ASXL3: variants seen among roughly 807,000 people sequenced by gnomAD.
ASXL3 encodes the protein putative Polycomb group protein ASXL3.
ASXL3 carries 34 observed loss-of-function variants against 170.6 expected under a neutral mutation model. The ratio of observed to expected loss-of-function variants is 0.20; its 90% confidence interval spans 0.15 to 0.27. ASXL3 has a LOEUF of 0.27. Ranked by LOEUF, ASXL3 falls within the 10% of genes least tolerant of loss-of-function variation. The pLI is 1.00. For synonymous variants in ASXL3, 1,002 were observed against 989.1 expected (o/e 1.01, Z -0.24); for missense variants, 2,592 against 2,695.3 (o/e 0.96, Z 0.85).
In ASXL3 at chr18:33,584,271, A is replaced by G. The variant is rs377658857; in HGVS notation, c.54+5586A>G. 1.6e-4 allele frequency among the ~76,000 whole-genome samples: 24 copies of G among 152,258 alleles called. No homozygotes were observed. The East Asian group carries it at 4.6e-3, about 29-fold the overall frequency. ...GAAATACCAGAAGACTTGGGGGGGC[A>G]TAGGCACTGGGACAGAATTGAAAAT... On this transcript the variant is annotated intron_variant, in intron 1 of 11. Transcript: ENST00000269197.
At chr18:33,621,518 T>G (rs928659621) in intron 2 of ASXL3, among the ~76,000 whole-genome samples, 3 of 152,144 alleles carry the variant, frequency 2.0e-5, no homozygotes, top group African/African-American at 4.8e-5. Flanking sequence ...CAAGAGAGAT[T>G]GTACTATAAT....
intron 1 of ASXL3, among the ~76,000 whole-genome samples, chr18:33,594,536 A>G (rs1377681657): frequency 6.6e-6 from 1 of 152,158 alleles, no homozygotes; most frequent in Non-Finnish European, 1.5e-5. Context: ...TCCAACCCCT[A>G]TTTCATAGCA....
intron 1 of ASXL3, among the ~76,000 whole-genome samples, chr18:33,606,251 T>A (rs2145121332): frequency 6.6e-6 from 1 of 152,136 alleles, no homozygotes; most frequent in Admixed American, 6.6e-5. Context: ...GCAAGGACCA[T>A]TTTCCTTCCT....
chr18:33,646,222 C>A (rs746071000), intron 3 of ASXL3, 23 bp from the exon 4 acceptor site: 3 of 1,585,732 alleles, frequency 1.9e-6, no homozygotes, highest in South Asian at 1.1e-5. Flanking sequence ...CTCCATAAAT[C>A]ATCACTTTTC....
At chr18:33,658,378 C>T (rs2066115954) in intron 4 of ASXL3, among the ~76,000 whole-genome samples, 1 of 152,060 alleles carries the variant, frequency 6.6e-6, no homozygotes, top group Admixed American at 6.6e-5. Context: ...CCTGCACAGC[C>T]AACTGTACTC....
intron 4 of ASXL3, among the ~76,000 whole-genome samples, chr18:33,661,373 A>G (rs994760211): frequency 1.3e-5 from 2 of 152,174 alleles, no homozygotes; most frequent in Non-Finnish European, 2.9e-5. Context: ...GCTCAATGAC[A>G]TAGAAATTAT....
Position 33,641,393 on chromosome 18 carries a change from C to T in ASXL3, c.138-3501C>T, listed in dbSNP as rs556891746. Among the ~76,000 whole-genome samples, 85 of 151,628 alleles carry T rather than the reference C, an allele frequency of 5.6e-4. 1 individual carries two copies. The highest frequency in any genetic ancestry group is 1.0e-3 in the South Asian group (5 of 4,798). The stretch of plus-strand genomic sequence containing the variant: ...CAGAAGGGTCCACAGCCTTACAGTA[C>T]AGGGGGAAAAACAAACAAGTAGAAT... On this transcript the variant is annotated intron_variant, in intron 2 of 11. Transcript: ENST00000269197.
At chr18:33,733,529 T>C (rs1599556283) in intron 9 of ASXL3, among the ~76,000 whole-genome samples, 1 of 152,170 alleles carries the variant, frequency 6.6e-6, no homozygotes, top group Admixed American at 6.5e-5. Flanking sequence ...TATTCAGCAG[T>C]CCTATAACTG....
intron 4 of ASXL3, among the ~76,000 whole-genome samples, chr18:33,648,548 G>A (rs752201759): frequency 6.6e-6 from 1 of 152,080 alleles, no homozygotes; most frequent in Non-Finnish European, 1.5e-5. Context: ...CAATATCTAG[G>A]TGGACATGTT....
At chr18:33,579,962 T>G (rs1163237315) in intron 1 of ASXL3, among the ~76,000 whole-genome samples, 1 of 152,230 alleles carries the variant, frequency 6.6e-6, no homozygotes, top group Middle Eastern at 3.2e-3. Flanking sequence ...CTGAGTTTGG[T>G]TGAAGGGCCT....
chr18:33,592,977 C>CTTTT (rs2065090808), intron 1 of ASXL3, among the ~76,000 whole-genome samples: 1 of 152,098 alleles, frequency 6.6e-6, no homozygotes, highest in African/African-American at 2.4e-5. Context: ...TACAAAATAA[C>CTTTT]TGCCTTTTCT....
chr18:33,594,554 T>C (rs376080770), intron 1 of ASXL3, among the ~76,000 whole-genome samples: 2 of 152,158 alleles, frequency 1.3e-5, no homozygotes, highest in East Asian at 1.9e-4. Context: ...GCAACAAACA[T>C]TGGCTGATTG....
chr18:33,644,470 GTTTTT>G, intron 2 of ASXL3, among the ~76,000 whole-genome samples: 1 of 148,226 alleles, frequency 6.7e-6, no homozygotes, highest in East Asian at 2.0e-4. Context: ...AACTTGGTGG[GTTTTT>G]TTGTTTTTTT....
At chr18:33,597,883 C>G (rs1343469732) in intron 1 of ASXL3, among the ~76,000 whole-genome samples, 1 of 151,854 alleles carries the variant, frequency 6.6e-6, no homozygotes, top group Admixed American at 6.6e-5. Context: ...AAGTCAAGTT[C>G]TTAGAAAAAT....
At chr18:33,636,805 T>A (rs61292250) in intron 2 of ASXL3, among the ~76,000 whole-genome samples, 1,635 of 152,152 alleles carry the variant, frequency 0.011, 11 homozygotes, top group African/African-American at 0.03. Context: ...TGGATTTTTT[T>A]AAAAAAATTT....
chr18:33,673,836 G>A (rs2066386065), intron 7 of ASXL3, among the ~76,000 whole-genome samples: 1 of 152,158 alleles, frequency 6.6e-6, no homozygotes. Flanking sequence ...ATATCGTGTT[G>A]CTGAAGTATT....
chr18:33,603,902 A>G (rs560925501), intron 1 of ASXL3, among the ~76,000 whole-genome samples: 1 of 152,180 alleles, frequency 6.6e-6, no homozygotes, highest in South Asian at 2.1e-4. Flanking sequence ...TCAGAATCTG[A>G]TTTGTGAAGA....
chr18:33,596,474 C>A (rs1480589099), intron 1 of ASXL3, among the ~76,000 whole-genome samples: 1 of 152,114 alleles, frequency 6.6e-6, no homozygotes, highest in African/African-American at 2.4e-5. Context: ...AAATAAACAT[C>A]ATTGTTATTC....
intron 2 of ASXL3, among the ~76,000 whole-genome samples, chr18:33,620,137 A>T (rs1196289388): frequency 6.6e-6 from 1 of 152,172 alleles, no homozygotes; most frequent in Non-Finnish European, 1.5e-5. Context: ...TTATTTTTAT[A>T]AAAGACATAT....
Sources: gnomAD v4.1 joint callset for allele counts (sites outside exome capture counted in the v4.1 genomes callset) on GRCh38, gnomAD v4.1.1 for gene constraint, MANE v1.5 for transcripts, NCBI Gene and HGNC (gene_info 2026-07-23, HGNC 2026-07-21) for gene names.